The following PPL variants were observed in gnomAD, a reference collection of about 807,000 sequenced individuals.
PPL encodes periplakin, also known as 190 kDa paraneoplastic pemphigus antigen.
Under a neutral mutation model 194.4 loss-of-function variants are expected in PPL, and 198 were observed. That is an observed-to-expected ratio of 1.02 (90% CI 0.91 to 1.15). The LOEUF (loss-of-function observed/expected upper bound fraction) is 1.15, where lower values mean the gene tolerates loss of function less well. PPL is among the 50% of genes most tolerant of loss of function. The pLI, the probability that PPL is intolerant of heterozygous loss-of-function variation, is 0.00. For synonymous variants in PPL, 1,220 were observed against 972.4 expected, an observed-to-expected ratio of 1.25 and a Z score of -4.74; for missense variants, 2,885 against 2,294.8, an observed-to-expected ratio of 1.26 and a Z score of -5.25.
chr16:4,916,120 C>T (rs1391174286), intron 1 of PPL, among the ~76,000 whole-genome samples: 2 of 152,188 alleles, frequency 1.3e-5, no homozygotes, highest in Non-Finnish European at 2.9e-5. Context: ...AAATGGTGTA[C>T]AGTTGTGGAA....
intron 15 of PPL, 35 bp from the exon 16 acceptor site, chr16:4,891,984 C>T (rs368122893): frequency 5.6e-6 from 9 of 1,610,644 alleles, no homozygotes; most frequent in African/African-American, 5.3e-5. Context: ...GGGATGCCCA[C>T]CTGGCCCCCT....
chr16:4,883,089 A>C lies in PPL; in HGVS notation c.*295T>G, dbSNP rs2088130355. 7.7e-6 allele frequency: 3 copies of C among 391,096 alleles called. No homozygotes were observed. The highest frequency in any genetic ancestry group is 5.8e-5 in the East Asian group (1 of 17,120). The allele number at this position is 391,096 out of a possible 1,614,324, so 24.2% of individuals were successfully genotyped here. ...GGTTTTCAGATTGTGTGCAGTTATC[A>C]TGAGGAGTTTGTTGCTGGGAGTGTA... On this transcript the variant is annotated 3_prime_UTR_variant, in exon 22 of 22. Coordinates refer to ENST00000345988, the MANE Select transcript of PPL (RefSeq NM_002705.5). This position sits in a 1 kb window ranked among gnomAD's most constrained non-coding sequence, Gnocchi z 4.8.
chr16:4,905,667 G>C (rs1302540540), intron 2 of PPL, among the ~76,000 whole-genome samples: 2 of 152,200 alleles, frequency 1.3e-5, no homozygotes, highest in Non-Finnish European at 1.5e-5. Flanking sequence ...GGGGTGACGT[G>C]GTGCCTGGTA....
At chr16:4,905,397 G>A (rs1183768953) in intron 2 of PPL, among the ~76,000 whole-genome samples, 2 of 152,202 alleles carry the variant, frequency 1.3e-5, no homozygotes, top group Non-Finnish European at 2.9e-5. Context: ...AGTCCAGAGA[G>A]ATGGAAAGTC....
intron 21 of PPL, among the ~76,000 whole-genome samples, chr16:4,886,364 C>T (rs1392420325): frequency 3.3e-5 from 5 of 152,320 alleles, no homozygotes; most frequent in Non-Finnish European, 7.4e-5. Context: ...GAATATCTGT[C>T]TGTAGTATGT....
rs538544570 is a variant in PPL at position 4,921,431 on chromosome 16, C to T, written c.63-10482G>A. Among the ~76,000 whole-genome samples the T allele has an allele frequency of 1.1e-4, 17 of 152,268 alleles. 1 individual carries two copies. The East Asian group carries it at 2.3e-3, about 21-fold the overall frequency. On this transcript the variant is annotated intron_variant, in intron 1 of 21. Transcript: ENST00000345988. ...ATGGCATCAGGTCTCCTGGCTCTGT[C>T]GCCAGGAGTCAGAGCCTCAGTAGAC...
intron 2 of PPL, among the ~76,000 whole-genome samples, chr16:4,905,095 G>T (rs906764089): frequency 3.3e-5 from 5 of 152,178 alleles, no homozygotes; most frequent in African/African-American, 4.8e-5. Context: ...CGCAGGGGAG[G>T]CAGTGACATG....
intron 12 of PPL, 69 bp from the exon 13 acceptor site, chr16:4,893,707 G>C: frequency 7.5e-7 from 1 of 1,330,802 alleles, no homozygotes; most frequent in Non-Finnish European, 1.0e-6. Flanking sequence ...AGGCGGGACT[G>C]CGGACTCTGG....
chr16:4,920,254 A>C (rs2089010831), intron 1 of PPL, among the ~76,000 whole-genome samples: 3 of 151,366 alleles, frequency 2.0e-5, no homozygotes, highest in Admixed American at 6.6e-5. Context: ...ACTGCACTCC[A>C]GTCTGGCAAC....
chr16:4,896,318 C>T (rs1292947906), intron 9 of PPL, among the ~76,000 whole-genome samples: 1 of 152,176 alleles, frequency 6.6e-6, no homozygotes, highest in Non-Finnish European at 1.5e-5. Flanking sequence ...ACTCTCATTC[C>T]TCTGGAAACA....
At position 4,894,451 on chromosome 16, in the gene PPL, G is replaced by A. The variant is rs1376306111; in HGVS notation, c.1394+16C>T. On this transcript the variant is annotated intron_variant, in intron 12 of 21. Coordinates refer to ENST00000345988, the MANE Select transcript of PPL (RefSeq NM_002705.5). ...GTGGGACTGGTCCATGCAGACTCCC[G>A]CCTTTGCCCTTGTACCTGTCAGCCA... The A allele has an allele frequency of 3.1e-6, 5 of 1,613,324 alleles. No homozygotes were observed. Among genetic ancestry groups the A allele is most frequent in the East Asian group, 4.5e-5 (2 of 44,876 alleles).
intron 12 of PPL, 110 bp downstream of exon 12, chr16:4,894,357 G>T (rs1342153889): frequency 3.6e-6 from 5 of 1,383,490 alleles, no homozygotes; most frequent in African/African-American, 2.9e-5. Context: ...GAGTGTCAGC[G>T]ACCCCGCGCT....
chr16:4,910,947 A>G lies in PPL; in HGVS notation c.65T>C (p.Ile22Thr). The stretch of plus-strand genomic sequence containing the variant: ...CAGCTCCGAGAGCTCCTTGTTAGAG[A>G]TGCTGCGGGCAGAAGCCGAGGGGAG... The part of the protein sequence containing the change: ...KYSPTVQTRS[I>T]SNKELSELIE... The change falls in exon 2 of 22, where the codon ATC (isoleucine) becomes ACC (threonine). Residue 22 changes from isoleucine (I) to threonine (T), a missense_variant and splice_region_variant. Physicochemically the swap from Ile to Thr is moderately conservative, Grantham distance 89. Coordinates refer to ENST00000345988, the MANE Select transcript of PPL (RefSeq NM_002705.5). The G allele has an allele frequency of 1.2e-6, 2 of 1,611,870 alleles. No individual in the cohort carries two copies. The highest frequency in any genetic ancestry group is 2.2e-5 in the South Asian group (2 of 91,062).
intron 9 of PPL, among the ~76,000 whole-genome samples, 172 bp from the exon 10 acceptor site, chr16:4,895,888 C>A (rs1443689395): frequency 6.6e-6 from 1 of 152,222 alleles, no homozygotes; most frequent in Non-Finnish European, 1.5e-5. Flanking sequence ...CAGCCCCACC[C>A]TCCCTGAGCT....
intron 1 of PPL, among the ~76,000 whole-genome samples, chr16:4,933,922 T>C (rs902120994): frequency 6.6e-6 from 1 of 152,244 alleles, no homozygotes; most frequent in Non-Finnish European, 1.5e-5. Context: ...CAGATGCTAT[T>C]ACCTGCGGCC....
chr16:4,908,385 G>A (rs2088745409), intron 2 of PPL, among the ~76,000 whole-genome samples: 1 of 151,292 alleles, frequency 6.6e-6, no homozygotes, highest in African/African-American at 2.4e-5. Flanking sequence ...CAATACTTCA[G>A]GGAAATAAAA....
At position 4,904,045 on chromosome 16, in the gene PPL, G is replaced by A. The variant is rs1349517433; in HGVS notation, c.163-5C>T. ...CTCCTGCAGCCGAGCCAGGTCCTGT[G>A]AGGGTCACAAGAGAGGGGACAATGA... is the stretch of plus-strand genomic sequence containing the variant. On this transcript the variant is annotated splice_polypyrimidine_tract_variant and splice_region_variant and intron_variant, in intron 2 of 21. Coordinates refer to ENST00000345988, the MANE Select transcript of PPL (RefSeq NM_002705.5). The A allele has an allele frequency of 3.1e-6, 5 of 1,610,370 alleles. No individual in the cohort carries two copies. The highest frequency in any genetic ancestry group is 1.7e-4 in the Middle Eastern group (1 of 6,058).
Position 4,937,103 on chromosome 16 carries a change from G to T in PPL, c.-58C>A, listed in dbSNP as rs147950365. On this transcript the variant is annotated 5_prime_UTR_variant, in exon 1 of 22. Transcript: ENST00000345988. The stretch of plus-strand genomic sequence containing the variant: ...GCGGGCCGGGCGCGCACCGAGGGGC[G>T]GGCGGGAGCGCAGGTGAGCGAGCGG... 291 of 1,155,414 alleles carry T rather than the reference G, an allele frequency of 2.5e-4. No individual in the cohort carries two copies. In the African/African-American group the frequency reaches 4.2e-3, roughly 16 times the overall value. 71.6% of individuals were successfully genotyped at this position (1,155,414 alleles called of 1,614,324 possible). A position where few individuals can be genotyped will look rare whatever the true frequency, so the allele number is the denominator to read the frequency against.
intron 1 of PPL, among the ~76,000 whole-genome samples, chr16:4,929,723 G>T (rs1487030378): frequency 6.6e-6 from 1 of 152,116 alleles, no homozygotes; most frequent in Non-Finnish European, 1.5e-5. Context: ...GTCTTGCTCT[G>T]TTGCCCAGGC....
Sources: gnomAD v4.1 joint callset for allele counts (sites outside exome capture counted in the v4.1 genomes callset) on GRCh38, gnomAD v4.1.1 for gene constraint, Gnocchi (gnomAD v3.1) non-coding constraint, MANE v1.5 for transcripts, NCBI Gene and HGNC (gene_info 2026-07-23, HGNC 2026-07-21) for gene names.